Variants in NRG3 observed in about 807,000 individuals in gnomAD.
NRG3 encodes pro-neuregulin-3, membrane-bound isoform.
In NRG3, 31 loss-of-function variants were observed where a neutral mutation model predicts 66.9. That is an observed-to-expected ratio of 0.46 (90% CI 0.35 to 0.63). The LOEUF (loss-of-function observed/expected upper bound fraction) is 0.63, where lower values mean the gene tolerates loss of function less well. Ranked by LOEUF, NRG3 falls within the 20% of genes least tolerant of loss-of-function variation. The pLI is 0.00. For missense variants in NRG3, 910 were observed against 878.9 expected (o/e 1.04, Z -0.45); for synonymous variants, 393 against 359.4 (o/e 1.09, Z -1.06).
At chr10:82,613,730 A>G (rs754654543) in intron 2 of NRG3, among the ~76,000 whole-genome samples, 1 of 151,474 alleles carries the variant, frequency 6.6e-6, no homozygotes, top group African/African-American at 2.4e-5. Flanking sequence ...GTACATGTGC[A>G]TAATGTGCAG....
intron 3 of NRG3, among the ~76,000 whole-genome samples, chr10:82,823,136 T>C (rs2062027109): frequency 6.6e-6 from 1 of 152,166 alleles, no homozygotes; most frequent in African/African-American, 2.4e-5. Flanking sequence ...AGGTTATTTT[T>C]CTCCTCTGAG....
At chr10:82,722,918 T>C (rs1407214786) in intron 2 of NRG3, among the ~76,000 whole-genome samples, 1 of 152,142 alleles carries the variant, frequency 6.6e-6, no homozygotes, top group African/African-American at 2.4e-5. Flanking sequence ...TTTGGAGATT[T>C]CTCAAAGGAC....
At chr10:82,474,743 G>T (rs1209405364) in intron 2 of NRG3, among the ~76,000 whole-genome samples, 1 of 152,040 alleles carries the variant, frequency 6.6e-6, no homozygotes, top group African/African-American at 2.4e-5. Flanking sequence ...ATTTAGGAAA[G>T]AAATGAATAT....
At chr10:82,845,412 T>A (rs1018573160) in intron 3 of NRG3, among the ~76,000 whole-genome samples, 25 of 152,146 alleles carry the variant, frequency 1.6e-4, no homozygotes, top group Admixed American at 1.6e-3. Context: ...TTTTTACACT[T>A]ATGTCATTAT....
intron 2 of NRG3, among the ~76,000 whole-genome samples, chr10:82,665,915 A>G (rs1219686412): frequency 1.3e-5 from 2 of 152,050 alleles, no homozygotes; most frequent in African/African-American, 4.8e-5. Flanking sequence ...CAGGATGAGT[A>G]CAGTGGCGCG....
intron 4 of NRG3, among the ~76,000 whole-genome samples, chr10:82,875,202 C>G (rs967187453): frequency 2.0e-5 from 3 of 152,152 alleles, no homozygotes; most frequent in African/African-American, 7.2e-5. Context: ...AAAGGCCTTA[C>G]TCATTTATCT....
At chr10:82,374,444 A>G (rs950968958) in intron 2 of NRG3, among the ~76,000 whole-genome samples, 1 of 152,218 alleles carries the variant, frequency 6.6e-6, no homozygotes, top group Non-Finnish European at 1.5e-5. Context: ...GGCCATGGTT[A>G]TAAATATAGA....
intron 6 of NRG3, among the ~76,000 whole-genome samples, chr10:82,959,858 A>G (rs1041847524): frequency 5.3e-5 from 8 of 152,228 alleles, no homozygotes; most frequent in Admixed American, 2.0e-4. Context: ...ACTGAGGTAT[A>G]TTGCAAAACA....
intron 8 of NRG3, among the ~76,000 whole-genome samples, chr10:82,980,278 T>A (rs1160097721): frequency 1.3e-5 from 2 of 152,150 alleles, no homozygotes; most frequent in Admixed American, 6.6e-5. Context: ...GGCAGATTTT[T>A]AAAAATTATG....
At chr10:82,208,474 A>G (rs1764074) in intron 1 of NRG3, among the ~76,000 whole-genome samples, 115,371 of 151,948 alleles carry the variant, frequency 0.76, 44,015 homozygotes, top group South Asian at 0.84. Flanking sequence ...TGCCATTCCC[A>G]TAACCATATG....
intron 6 of NRG3, among the ~76,000 whole-genome samples, chr10:82,969,947 C>T (rs931183091): frequency 1.3e-5 from 2 of 152,072 alleles, no homozygotes; most frequent in Non-Finnish European, 2.9e-5. Flanking sequence ...TTAATTGCAC[C>T]TTCCTTATTT....
At chr10:82,318,562 G>A (rs1345704332) in intron 1 of NRG3, among the ~76,000 whole-genome samples, 1 of 152,046 alleles carries the variant, frequency 6.6e-6, no homozygotes, top group Non-Finnish European at 1.5e-5. Flanking sequence ...CTATATTCTG[G>A]CCATAGTGAC....
chr10:82,114,157 C>G (rs1197865610), intron 1 of NRG3, among the ~76,000 whole-genome samples: 1 of 152,070 alleles, frequency 6.6e-6, no homozygotes, highest in Non-Finnish European at 1.5e-5. Context: ...TCACTTTGTT[C>G]CTTTTTATGG....
At chr10:82,150,683 C>T (rs554294227) in intron 1 of NRG3, among the ~76,000 whole-genome samples, 7 of 152,200 alleles carry the variant, frequency 4.6e-5, no homozygotes, top group African/African-American at 1.2e-4. Flanking sequence ...GAGCAGAGGG[C>T]GCCTGGACAT....
At chr10:82,399,119 T>C (rs2086910568) in intron 2 of NRG3, among the ~76,000 whole-genome samples, 1 of 152,200 alleles carries the variant, frequency 6.6e-6, no homozygotes, top group Admixed American at 6.5e-5. Flanking sequence ...ACATGCCTCC[T>C]TTTTAGTTAA....
intron 1 of NRG3, among the ~76,000 whole-genome samples, chr10:82,077,767 A>C (rs187349575): frequency 6.6e-6 from 1 of 152,352 alleles, no homozygotes; most frequent in African/African-American, 2.4e-5. Context: ...TGGTGTAATT[A>C]ATTTTTCATG....
chr10:81,977,375 A>C (rs2060163184), intron 1 of NRG3, among the ~76,000 whole-genome samples: 1 of 152,146 alleles, frequency 6.6e-6, no homozygotes, highest in South Asian at 2.1e-4. Flanking sequence ...AAATTCTTTA[A>C]AAATATTCAC....
chr10:82,812,948 A>T (rs2061551946), intron 3 of NRG3, among the ~76,000 whole-genome samples: 1 of 152,232 alleles, frequency 6.6e-6, no homozygotes, highest in African/African-American at 2.4e-5. Context: ...TAAAAGTGTT[A>T]GAAAAATCAA....
At chr10:82,011,726 C>T (rs557177826) in intron 1 of NRG3, among the ~76,000 whole-genome samples, 47 of 152,292 alleles carry the variant, frequency 3.1e-4, no homozygotes, top group African/African-American at 9.6e-4. Context: ...TGAAATCCAG[C>T]GGGGTAGTCA....
Sources: gnomAD v4.1 joint callset for allele counts (sites outside exome capture counted in the v4.1 genomes callset) on GRCh38, gnomAD v4.1.1 for gene constraint, MANE v1.5 for transcripts, NCBI Gene and HGNC (gene_info 2026-07-23, HGNC 2026-07-21) for gene names.